The following MAP4K3 variants were observed in gnomAD, a reference collection of about 807,000 sequenced individuals.
The protein encoded by MAP4K3 is MAPK/ERK kinase kinase kinase 3.
A neutral mutation model predicts 143.5 loss-of-function variants in MAP4K3; 94 were observed. That is an observed-to-expected ratio of 0.65 (90% CI 0.55 to 0.78). The LOEUF (loss-of-function observed/expected upper bound fraction) is 0.78. MAP4K3 is among the 30% of genes least tolerant of loss of function. MAP4K3 has a pLI of 0.00. For missense variants in MAP4K3, 1,077 were observed against 1,068.1 expected, an observed-to-expected ratio of 1.01 and a Z score of -0.12; for synonymous variants, 416 against 347.2, an observed-to-expected ratio of 1.20 and a Z score of -2.20.
At chr2:39,269,346 T>G (rs899101745) in intron 26 of MAP4K3, among the ~76,000 whole-genome samples, 1 of 152,044 alleles carries the variant, frequency 6.6e-6, no homozygotes, top group Non-Finnish European at 1.5e-5. Flanking sequence ...AAAGCTATAA[T>G]TTTAGCTTCA....
At chr2:39,293,894 G>A (rs1682159847) in intron 16 of MAP4K3, 2 of 152,550 alleles carry the variant, frequency 1.3e-5, no homozygotes, top group South Asian at 4.1e-4. Flanking sequence ...ACACTTTTGG[G>A]AGACTAAGCC....
intron 15 of MAP4K3, among the ~76,000 whole-genome samples, chr2:39,304,515 C>G (rs1314058308): frequency 6.6e-6 from 1 of 152,010 alleles, no homozygotes; most frequent in African/African-American, 2.4e-5. Flanking sequence ...TACTTTATAC[C>G]CATTAGGATA....
intron 13 of MAP4K3, among the ~76,000 whole-genome samples, chr2:39,311,712 C>T (rs966096513): frequency 6.6e-6 from 1 of 152,214 alleles, no homozygotes; most frequent in Non-Finnish European, 1.5e-5. Flanking sequence ...GTAAATCTTC[C>T]AGTCCAGTCA....
chr2:39,250,824 G>T, intron 33 of MAP4K3, 119 bp from the exon 34 acceptor site: 1 of 751,146 alleles, frequency 1.3e-6, no homozygotes, highest in Non-Finnish European at 2.2e-6. Context: ...ATTTGATCGT[G>T]GGCAGAAATC....
chr2:39,336,856 A>G, intron 6 of MAP4K3, 64 bp downstream of exon 6: 1 of 708,602 alleles, frequency 1.4e-6, no homozygotes, highest in Non-Finnish European at 2.2e-6. Context: ...TTTTGCTCAA[A>G]ACAATTTGAT....
At chr2:39,429,711 C>G (rs756395023) in intron 1 of MAP4K3, among the ~76,000 whole-genome samples, 10 of 152,058 alleles carry the variant, frequency 6.6e-5, no homozygotes, top group Non-Finnish European at 1.2e-4. Flanking sequence ...ACTTGAAAAG[C>G]TGATTCAAAA....
At chr2:39,288,097 T>C (rs769495941) in intron 20 of MAP4K3, 24 bp downstream of exon 20, 2 of 1,612,580 alleles carry the variant, frequency 1.2e-6, no homozygotes, top group Non-Finnish European at 1.7e-6. Flanking sequence ...TGGTAACATA[T>C]TTGCTGTCAC....
chr2:39,396,044 C>T (rs1666795885), intron 1 of MAP4K3, among the ~76,000 whole-genome samples: 1 of 151,828 alleles, frequency 6.6e-6, no homozygotes, highest in Non-Finnish European at 1.5e-5. Context: ...TTTTGTTTGT[C>T]TGTTTGTTTT....
rs559074563 is a variant in MAP4K3 at position 39,302,046 on chromosome 2, A to T, written c.1120-2245T>A. On this transcript the variant is annotated intron_variant, in intron 15 of 33. Coordinates refer to ENST00000263881, the MANE Select transcript of MAP4K3 (RefSeq NM_003618.4). Reference sequence around the variant, plus strand: ...TCAAAAAATAATAATAAAAAAAATTAAAAAAAAATAAAGAAAATAAACTGA... The same window carrying T: ...TCAAAAAATAATAATAAAAAAAATTTAAAAAAAATAAAGAAAATAAACTGA... Among the ~76,000 whole-genome samples the T allele has an allele frequency of 6.3e-3, 953 of 151,228 alleles. 4 individuals carry two copies. The highest frequency in any genetic ancestry group is 0.014 in the Middle Eastern group (4 of 294).
intron 1 of MAP4K3, among the ~76,000 whole-genome samples, chr2:39,433,699 C>T (rs763325829): frequency 3.3e-5 from 5 of 152,124 alleles, no homozygotes; most frequent in African/African-American, 4.8e-5. Context: ...TCCTGAGGCC[C>T]AACTAAAGAG....
intron 5 of MAP4K3, 87 bp from the exon 6 acceptor site, chr2:39,337,054 G>A: frequency 1.6e-6 from 1 of 632,342 alleles, no homozygotes. Flanking sequence ...GTAGTATTCT[G>A]TGTATTTTAT....
At chr2:39,333,614 T>G in intron 6 of MAP4K3, 40 bp from the exon 7 acceptor site, 1 of 1,185,004 alleles carries the variant, frequency 8.4e-7, no homozygotes, top group Non-Finnish European at 1.3e-6. Flanking sequence ...AGGAAATAGA[T>G]ATTTTATCAG....
chr2:39,418,747 C>A (rs1164114802), intron 1 of MAP4K3, among the ~76,000 whole-genome samples: 1 of 151,630 alleles, frequency 6.6e-6, no homozygotes, highest in African/African-American at 2.4e-5. Flanking sequence ...AAACAAAAAA[C>A]CTTAAATTTA....
intron 1 of MAP4K3, 31 bp downstream of exon 1, chr2:39,436,861 G>T: frequency 6.4e-7 from 1 of 1,567,268 alleles, no homozygotes; most frequent in Admixed American, 1.8e-5. Context: ...GGGATCCCAC[G>T]GCCTCGGCGG....
intron 4 of MAP4K3, among the ~76,000 whole-genome samples, chr2:39,338,101 G>A (rs998625414): frequency 6.6e-6 from 1 of 151,960 alleles, no homozygotes; most frequent in Non-Finnish European, 1.5e-5. Flanking sequence ...GCTCATTGTT[G>A]TATCTCCAGT....
chr2:39,391,241 C>T (rs1666645181), intron 1 of MAP4K3, among the ~76,000 whole-genome samples: 1 of 150,402 alleles, frequency 6.6e-6, no homozygotes, highest in Non-Finnish European at 1.5e-5. Context: ...TGCCTGTAGT[C>T]TCAGCTACTC....
chr2:39,281,713 A>C (rs1234799090), intron 22 of MAP4K3, among the ~76,000 whole-genome samples: 2 of 151,934 alleles, frequency 1.3e-5, no homozygotes, highest in Non-Finnish European at 2.9e-5. Flanking sequence ...AATCTGCCCT[A>C]TTTTATGTAT....
At chr2:39,265,038 G>A (rs1282628735) in intron 28 of MAP4K3, among the ~76,000 whole-genome samples, 165 bp downstream of exon 28, 1 of 152,098 alleles carries the variant, frequency 6.6e-6, no homozygotes, top group African/African-American at 2.4e-5. Flanking sequence ...ACTTTTACTA[G>A]GCCAATTAAG....
intron 24 of MAP4K3, among the ~76,000 whole-genome samples, chr2:39,272,898 C>A (rs1181103067): frequency 2.6e-5 from 4 of 151,998 alleles, no homozygotes; most frequent in Non-Finnish European, 4.4e-5. Flanking sequence ...CTCCTCTCTA[C>A]TCCTCCCAAA....
Sources: allele counts gnomAD v4.1 joint callset (sites outside exome capture counted in the v4.1 genomes callset), GRCh38; gene constraint gnomAD v4.1.1; transcripts MANE v1.5; gene names NCBI Gene and HGNC (gene_info 2026-07-23, HGNC 2026-07-21).